RGS6: variants seen among roughly 807,000 people sequenced by gnomAD.
The protein encoded by RGS6 is regulator of G protein signaling 6, also known as regulator of G-protein signaling 6.
Under a neutral mutation model 78.5 loss-of-function variants are expected in RGS6, and 30 were observed. That is an observed-to-expected ratio of 0.38 (90% CI 0.29 to 0.52). RGS6 has a LOEUF of 0.52. Ranked by LOEUF, RGS6 falls within the 20% of genes least tolerant of loss-of-function variation. The probability of loss-of-function intolerance (pLI) is 0.85; values close to 1 mark genes in which losing one functional copy is unlikely to be tolerated. For missense variants in RGS6, 495 were observed against 609.7 expected, an observed-to-expected ratio of 0.81 and a Z score of 1.98; for synonymous variants, 206 against 206.0, an observed-to-expected ratio of 1.00 and a Z score of 0.00.
intron 2 of RGS6, among the ~76,000 whole-genome samples, chr14:72,249,283 C>CA (rs1256554880): frequency 6.6e-6 from 1 of 152,160 alleles, no homozygotes; most frequent in African/African-American, 2.4e-5. Flanking sequence ...ATAAACAAAA[C>CA]CAAGGTTTGT....
At chr14:71,912,482 A>T in the RGS6 span, among the ~76,000 whole-genome samples, 1 of 152,170 alleles carries the variant, frequency 6.6e-6, no homozygotes, top group Non-Finnish European at 1.5e-5. Flanking sequence ...TAGGGTGGGG[A>T]GAGTCAAGAT....
intron 2 of RGS6, among the ~76,000 whole-genome samples, chr14:72,177,871 A>G (rs908364502): frequency 2.6e-5 from 4 of 152,236 alleles, no homozygotes; most frequent in Admixed American, 2.6e-4. Flanking sequence ...ATCCACAACT[A>G]CATGTCGAGA....
chr14:72,114,029 A>T (rs1434127026), intron 2 of RGS6, among the ~76,000 whole-genome samples: 1 of 152,206 alleles, frequency 6.6e-6, no homozygotes, highest in African/African-American at 2.4e-5. Flanking sequence ...TTGTATTGTA[A>T]AAGACAAAGG....
chr14:72,547,380 C>G lies in RGS6; in HGVS notation c.1422+7286C>G, dbSNP rs542099442. ...CAAAGGCTAAGAAGTAAGACCCCCC[C>G]CCGACCCATGGAAGTCCCCCCAAAA... On this transcript the variant is annotated intron_variant, in intron 17 of 17. Coordinates refer to ENST00000553525, the MANE Select transcript of RGS6 (RefSeq NM_001204424.2). 2.1e-4 allele frequency: 291 copies of G among 1,408,374 alleles called. No individual in the cohort carries two copies. The East Asian group carries it at 2.2e-3, about 11-fold the overall frequency. The allele number at this position is 1,408,374 out of a possible 1,614,324, so 87.2% of individuals were successfully genotyped here.
intron 2 of RGS6, among the ~76,000 whole-genome samples, chr14:72,330,487 G>A (rs192383788): frequency 3.3e-5 from 5 of 152,286 alleles, no homozygotes; most frequent in Admixed American, 3.3e-4. Flanking sequence ...ACTCAAGGAG[G>A]CCCAATACCC....
intron 2 of RGS6, among the ~76,000 whole-genome samples, chr14:72,329,065 C>A (rs143757803): frequency 1.3e-5 from 2 of 152,038 alleles, no homozygotes; most frequent in African/African-American, 2.4e-5. Context: ...GTAGAGATGG[C>A]GTTTCACCAT....
At chr14:72,501,389 T>A (rs2096724029) in intron 13 of RGS6, among the ~76,000 whole-genome samples, 1 of 132,438 alleles carries the variant, frequency 7.6e-6, no homozygotes, top group Non-Finnish European at 1.5e-5. Flanking sequence ...GAAAGTTATA[T>A]TCAGAGGGGA....
chr14:72,435,818 T>A (rs1283110453), intron 3 of RGS6, among the ~76,000 whole-genome samples: 2 of 144,370 alleles, frequency 1.4e-5, no homozygotes, highest in East Asian at 4.5e-4. Context: ...CTCTCTTTCA[T>A]AAGAACCCTT....
chr14:72,422,910 C>T (rs979568395), intron 3 of RGS6, among the ~76,000 whole-genome samples: 10 of 152,200 alleles, frequency 6.6e-5, no homozygotes, highest in East Asian at 3.8e-4. Context: ...GGGCATGGAG[C>T]GGACTCGCTT....
At chr14:72,362,707 A>C (rs2081684844) in intron 3 of RGS6, among the ~76,000 whole-genome samples, 3 of 152,226 alleles carry the variant, frequency 2.0e-5, no homozygotes, top group Admixed American at 1.3e-4. Flanking sequence ...AACTCATACA[A>C]TGTCAAGTGT....
rs139427737 is a variant in RGS6 at position 72,087,573 on chromosome 14, C to T, written c.84+122698C>T. On this transcript the variant is annotated intron_variant, in intron 2 of 17. Coordinates refer to ENST00000553525, the MANE Select transcript of RGS6 (RefSeq NM_001204424.2). ...TGAAAAAGGAAGCTCCAGAGAAATACGCGTATTATAGCTTGGTTATAAAAT... is the reference window on the plus strand; with the variant it reads ...TGAAAAAGGAAGCTCCAGAGAAATATGCGTATTATAGCTTGGTTATAAAAT... Among the ~76,000 whole-genome samples the T allele has an allele frequency of 8.7e-3, 1,324 of 151,548 alleles. 15 individuals are homozygous for T. Among genetic ancestry groups the T allele is most frequent in the African/African-American group, 0.029 (1,214 of 41,362 alleles).
At chr14:72,389,372 A>G (rs1244105321) in intron 3 of RGS6, among the ~76,000 whole-genome samples, 1 of 152,138 alleles carries the variant, frequency 6.6e-6, no homozygotes, top group Admixed American at 6.5e-5. Context: ...TGACCTTCTG[A>G]GAGTCAAATG....
intron 7 of RGS6, among the ~76,000 whole-genome samples, chr14:72,467,751 C>A (rs868073097): frequency 3.3e-5 from 5 of 152,286 alleles, no homozygotes; most frequent in Middle Eastern, 6.8e-3. Flanking sequence ...CCCAGATAAA[C>A]CTTGGCCTGG....
intron 3 of RGS6, among the ~76,000 whole-genome samples, chr14:72,402,781 GT>G: frequency 9.1e-6 from 1 of 110,092 alleles, no homozygotes; most frequent in East Asian, 2.9e-4. Flanking sequence ...TATATTTTTT[GT>G]TTTTTTGGTT....
intron 3 of RGS6, among the ~76,000 whole-genome samples, chr14:72,413,527 C>G (rs902159275): frequency 6.6e-6 from 1 of 152,152 alleles, no homozygotes; most frequent in Non-Finnish European, 1.5e-5. Context: ...TCCAATTTGC[C>G]AGTCTGTGTC....
chr14:72,244,187 A>G (rs1481032333), intron 2 of RGS6, among the ~76,000 whole-genome samples: 1 of 152,148 alleles, frequency 6.6e-6, no homozygotes, highest in Non-Finnish European at 1.5e-5. Context: ...ATGGGAGGCA[A>G]GGAAAGTTAT....
At chr14:72,493,741 G>C (rs559328697) in intron 12 of RGS6, among the ~76,000 whole-genome samples, 15 of 151,890 alleles carry the variant, frequency 9.9e-5, no homozygotes, top group African/African-American at 3.6e-4. Flanking sequence ...ATGGATCCAG[G>C]CTTCTCAATA....
chr14:72,338,509 T>C (rs1329846876), intron 2 of RGS6, among the ~76,000 whole-genome samples: 4 of 152,234 alleles, frequency 2.6e-5, no homozygotes, highest in African/African-American at 4.8e-5. Context: ...TTAAGGGAGA[T>C]ACACTTCAAG....
At chr14:72,105,801 G>A (rs1052549304) in intron 2 of RGS6, among the ~76,000 whole-genome samples, 1 of 152,316 alleles carries the variant, frequency 6.6e-6, no homozygotes, top group African/African-American at 2.4e-5. Flanking sequence ...AGCAGTCTTC[G>A]AGAGAGAAGT....
Sources: allele counts gnomAD v4.1 joint callset (sites outside exome capture counted in the v4.1 genomes callset), GRCh38; gene constraint gnomAD v4.1.1; transcripts MANE v1.5; gene names NCBI Gene and HGNC (gene_info 2026-07-23, HGNC 2026-07-21).